The following MYRIP variants were observed in gnomAD, a reference collection of about 807,000 sequenced individuals.
MYRIP encodes myosin VIIA and Rab interacting protein, also known as rab effector MyRIP.
MYRIP carries 49 observed loss-of-function variants against 98.0 expected under a neutral mutation model. The observed-to-expected ratio is 0.50, with a 90% CI of 0.40 to 0.63. The LOEUF (loss-of-function observed/expected upper bound fraction) is 0.63, where lower values mean the gene tolerates loss of function less well. Among genes scored for constraint, MYRIP ranks in the 30% least tolerant of loss-of-function variants. The pLI is 0.00. For synonymous variants in MYRIP, 404 were observed against 409.5 expected (o/e 0.99, Z 0.16); for missense variants, 1,004 against 1,058.2 (o/e 0.95, Z 0.71).
At chr3:40,144,176 C>T (rs1403041646) in intron 3 of MYRIP, among the ~76,000 whole-genome samples, 1 of 152,216 alleles carries the variant, frequency 6.6e-6, no homozygotes, top group African/African-American at 2.4e-5. Context: ...GGATTGCCTT[C>T]AGGCTTGAGT....
chr3:40,183,209 G>A (rs992847662), intron 9 of MYRIP, among the ~76,000 whole-genome samples: 1 of 152,202 alleles, frequency 6.6e-6, no homozygotes, highest in African/African-American at 2.4e-5. Flanking sequence ...CAGGCCCGGA[G>A]AAATGGCATC....
intron 2 of MYRIP, among the ~76,000 whole-genome samples, chr3:40,003,593 T>C (rs1946569224): frequency 6.6e-6 from 1 of 152,140 alleles, no homozygotes. Context: ...AAAAAAATGA[T>C]CAGCTTCCCT....
At chr3:40,223,528 T>C (rs535690284) in intron 11 of MYRIP, among the ~76,000 whole-genome samples, 1 of 152,186 alleles carries the variant, frequency 6.6e-6, no homozygotes, top group Non-Finnish European at 1.5e-5. Context: ...AGCTTGTTCT[T>C]TTGGGAGGGG....
chr3:39,832,947 A>C (rs945073983), intron 1 of MYRIP, among the ~76,000 whole-genome samples: 1 of 152,232 alleles, frequency 6.6e-6, no homozygotes, highest in Non-Finnish European at 1.5e-5. Flanking sequence ...AATGTTTATC[A>C]TAGTCCTCTG....
chr3:39,903,402 G>T (rs913440558), intron 2 of MYRIP, among the ~76,000 whole-genome samples: 1 of 151,912 alleles, frequency 6.6e-6, no homozygotes. Flanking sequence ...CTTTTCCCCC[G>T]ACCAGCTGTT....
rs758315184 is a variant in MYRIP at position 40,167,153 on chromosome 3, C to T, written c.649-6C>T. The T allele has an allele frequency of 2.5e-6, 4 of 1,614,096 alleles. No individual in the cohort carries two copies. In the South Asian group the frequency reaches 3.3e-5, roughly 13 times the overall value. On this transcript the variant is annotated splice_polypyrimidine_tract_variant and splice_region_variant and intron_variant, in intron 6 of 16. Transcript: ENST00000302541. The stretch of plus-strand genomic sequence containing the variant: ...ACAGCACACAGCCATTCTCTTCCCT[C>T]CTCAGGACAAGCAAAATGAGGCCAG...
At chr3:40,009,886 A>T (rs1398887899) in intron 2 of MYRIP, among the ~76,000 whole-genome samples, 1 of 152,222 alleles carries the variant, frequency 6.6e-6, no homozygotes, top group Non-Finnish European at 1.5e-5. Context: ...CAGACATGGC[A>T]ACTGAGGTCA....
At chr3:39,874,728 C>T (rs984426550) in intron 1 of MYRIP, among the ~76,000 whole-genome samples, 2 of 152,116 alleles carry the variant, frequency 1.3e-5, no homozygotes, top group African/African-American at 4.8e-5. Context: ...TGATGTGCTG[C>T]TGGATTCGGT....
At chr3:39,843,187 G>A (rs1941856106) in intron 1 of MYRIP, among the ~76,000 whole-genome samples, 1 of 152,054 alleles carries the variant, frequency 6.6e-6, no homozygotes, top group Non-Finnish European at 1.5e-5. Context: ...ATATTATCTA[G>A]GGTCAAATTT....
At chr3:39,816,962 G>T (rs1411996982) in intron 1 of MYRIP, among the ~76,000 whole-genome samples, 1 of 152,106 alleles carries the variant, frequency 6.6e-6, no homozygotes, top group East Asian at 1.9e-4. Flanking sequence ...ATTCATTAAT[G>T]AATTGCCCAC....
intron 11 of MYRIP, among the ~76,000 whole-genome samples, chr3:40,230,614 C>T (rs898483398): frequency 6.6e-6 from 1 of 152,144 alleles, no homozygotes; most frequent in African/African-American, 2.4e-5. Flanking sequence ...GTTATCTCAA[C>T]TTCCAGTAGG....
At chr3:40,030,372 G>A (rs556552202) in intron 2 of MYRIP, among the ~76,000 whole-genome samples, 4 of 152,088 alleles carry the variant, frequency 2.6e-5, no homozygotes, top group South Asian at 2.1e-4. Flanking sequence ...GGAGAAATTC[G>A]AACCCTCACA....
chr3:39,984,193 G>GGTTATTTTAT (rs1945968695), intron 2 of MYRIP, among the ~76,000 whole-genome samples: 1 of 145,566 alleles, frequency 6.9e-6, no homozygotes, highest in Non-Finnish European at 1.5e-5. Flanking sequence ...TGTAAGGAAA[G>GGTTATTTTAT]TTTATTTTAT....
chr3:40,215,487 G>C (rs1952090073), intron 11 of MYRIP, among the ~76,000 whole-genome samples: 1 of 152,048 alleles, frequency 6.6e-6, no homozygotes, highest in Admixed American at 6.6e-5. Context: ...CCAATTACTA[G>C]AGCCAAGCCA....
intron 1 of MYRIP, among the ~76,000 whole-genome samples, chr3:39,847,394 AGG>A (rs199787227): frequency 0.19 from 28,673 of 151,944 alleles, 2,763 homozygotes; most frequent in South Asian, 0.28. Flanking sequence ...AAGAAAACAA[AGG>A]TATTTGTTTT....
At chr3:39,821,904 G>A (rs1307703018) in intron 1 of MYRIP, among the ~76,000 whole-genome samples, 1 of 152,134 alleles carries the variant, frequency 6.6e-6, no homozygotes, top group Non-Finnish European at 1.5e-5. Flanking sequence ...ATTGGTTGCA[G>A]AGATTCATAT....
chr3:40,108,350 A>T (rs1444103379), intron 3 of MYRIP, among the ~76,000 whole-genome samples: 1 of 131,022 alleles, frequency 7.6e-6, no homozygotes, highest in Non-Finnish European at 1.7e-5. Context: ...CAATGAGCAG[A>T]GCTGATGGGG....
chr3:40,243,143 GC>G (rs1953078701), intron 12 of MYRIP, among the ~76,000 whole-genome samples: 2 of 152,034 alleles, frequency 1.3e-5, no homozygotes. Context: ...TTGATTCATG[GC>G]CCCTGTATGA....
chr3:40,045,496 G>A (rs903098503), intron 3 of MYRIP, among the ~76,000 whole-genome samples: 10 of 152,302 alleles, frequency 6.6e-5, no homozygotes, highest in Admixed American at 2.0e-4. Context: ...GATTATAGAT[G>A]AGCGTGCATC....
Sources: allele counts gnomAD v4.1 joint callset (sites outside exome capture counted in the v4.1 genomes callset), GRCh38; gene constraint gnomAD v4.1.1; transcripts MANE v1.5; gene names NCBI Gene and HGNC (gene_info 2026-07-23, HGNC 2026-07-21).